The following CROCC2 variants were observed in gnomAD, a reference collection of about 807,000 sequenced individuals.
The protein encoded by CROCC2 is ciliary rootlet coiled-coil, rootletin family member 2, also known as ciliary rootlet coiled-coil protein 2.
Under a neutral mutation model 177.6 loss-of-function variants are expected in CROCC2, and 163 were observed. That is an observed-to-expected ratio of 0.92 (90% CI 0.81 to 1.05). The LOEUF is 1.05. CROCC2 is among the 50% of genes least tolerant of loss of function. CROCC2 has a pLI of 0.00. For missense variants in CROCC2, 1,929 were observed against 1,797.8 expected, an observed-to-expected ratio of 1.07 and a Z score of -1.32; for synonymous variants, 904 against 787.3, an observed-to-expected ratio of 1.15 and a Z score of -2.48.
intron 18 of CROCC2, among the ~76,000 whole-genome samples, chr2:240,952,735 G>T (rs1032952590): frequency 6.6e-6 from 1 of 152,194 alleles, no homozygotes; most frequent in East Asian, 1.9e-4. Context: ...GGCCTTGGGC[G>T]CCAGCATCAG....
chr2:240,990,722 G>A (rs1266240366), intron 30 of CROCC2, among the ~76,000 whole-genome samples: 3 of 152,098 alleles, frequency 2.0e-5, no homozygotes, highest in African/African-American at 7.2e-5. Flanking sequence ...AGCGGGGATT[G>A]CAGGCACCCA....
intron 21 of CROCC2, chr2:240,964,189 C>G (rs1287948514): frequency 1.8e-6 from 1 of 551,016 alleles, no homozygotes; most frequent in Non-Finnish European, 3.3e-6. Flanking sequence ...GGATGTTGAG[C>G]GTCCGGGAGT....
At chr2:240,906,699 C>T (rs181280710) in intron 1 of CROCC2, 108 bp downstream of exon 1, 186 of 398,238 alleles carry the variant, frequency 4.7e-4, no homozygotes, top group Non-Finnish European at 7.1e-4. Context: ...CTTCCTGGCT[C>T]CCGGGGCACT....
At chr2:240,942,914 C>T (rs1480508508) in intron 14 of CROCC2, among the ~76,000 whole-genome samples, 2 of 152,160 alleles carry the variant, frequency 1.3e-5, no homozygotes, top group Non-Finnish European at 2.9e-5. Context: ...TATCTGACTT[C>T]TCAGACTGTC....
rs74001725 is a variant in CROCC2, at chr2:240,964,130, C to A, written c.3306-336C>A. 0.056 allele frequency: 29,671 copies of A among 530,882 alleles called. 3,210 individuals are homozygous for A. Among genetic ancestry groups the A allele is most frequent in the African/African-American group, 0.3 (15,828 of 52,480 alleles). 32.9% of individuals were successfully genotyped at this position (530,882 alleles called of 1,614,324 possible). A position where few individuals can be genotyped will look rare whatever the true frequency, so the allele number is the denominator to read the frequency against. ...GAAAGGCCCCTGTGGGGCAGCTGGGCAGGATGGCACAGCCCTCACAGCAGG... is the reference window on the plus strand; with the variant it reads ...GAAAGGCCCCTGTGGGGCAGCTGGGAAGGATGGCACAGCCCTCACAGCAGG... On this transcript the variant is annotated intron_variant, in intron 21 of 31. Transcript: ENST00000690015.
intron 14 of CROCC2, 140 bp downstream of exon 14, chr2:240,935,728 T>C: frequency 1.7e-6 from 1 of 591,028 alleles, no homozygotes; most frequent in Non-Finnish European, 2.6e-6. Context: ...TCAGGCCCAG[T>C]GCTGGCCTCC....
chr2:240,921,220 G>A (rs149320252), intron 3 of CROCC2, among the ~76,000 whole-genome samples: 1,612 of 152,226 alleles, frequency 0.011, 12 homozygotes, highest in Non-Finnish European at 0.015. Context: ...GCCCCACAGC[G>A]GTGCCCTCAG....
At chr2:240,927,313 A>G (rs2059401424) in intron 5 of CROCC2, among the ~76,000 whole-genome samples, 1 of 151,990 alleles carries the variant, frequency 6.6e-6, no homozygotes, top group South Asian at 2.1e-4. Context: ...GGTTCGCGGA[A>G]CCTCTGTGTC....
chr2:240,988,992 G>A lies in CROCC2; in HGVS notation c.4683+122G>A, dbSNP rs1041057780. 9.9e-5 allele frequency: 107 copies of A among 1,078,372 alleles called. 1 individual carries two copies. Among genetic ancestry groups the A allele is most frequent in the Non-Finnish European group, 1.2e-4 (101 of 824,344 alleles). The allele number at this position is 1,078,372 out of a possible 1,614,324, so 66.8% of individuals were successfully genotyped here. Reference sequence around the variant, plus strand: ...ACCTCCATCTCACACGTGCACACATGGGGAGGGTGGCTGGACCAGCTTCTG... The same window carrying A: ...ACCTCCATCTCACACGTGCACACATAGGGAGGGTGGCTGGACCAGCTTCTG... On this transcript the variant is annotated intron_variant, in intron 29 of 31. Coordinates refer to ENST00000690015, the MANE Select transcript of CROCC2 (RefSeq NM_001351305.2).
chr2:240,988,646 TCCCA>T, intron 28 of CROCC2, 89 bp from the exon 29 acceptor site: 1 of 1,250,042 alleles, frequency 8.0e-7, no homozygotes, highest in South Asian at 3.1e-5. Flanking sequence ...TCAGAGTCCT[TCCCA>T]GAGGCAACCC....
intron 14 of CROCC2, among the ~76,000 whole-genome samples, chr2:240,939,438 T>C (rs1407906660): frequency 6.6e-6 from 1 of 152,066 alleles, no homozygotes; most frequent in Non-Finnish European, 1.5e-5. Flanking sequence ...TATTTGTGAG[T>C]AATATTTCTG....
Position 240,917,634 on chromosome 2 carries a change from A to G in CROCC2, c.79-1092A>G, listed in dbSNP as rs1014986868. Among the ~76,000 whole-genome samples the G allele has an allele frequency of 2.6e-5, 4 of 152,092 alleles. No individual in the cohort carries two copies. Among genetic ancestry groups the G allele is most frequent in the Non-Finnish European group, 4.4e-5 (3 of 67,986 alleles). ...TCTGTGCTGGCGTGGGAGCCAGGCA[A>G]GGAGGACTTGGGTGGACTCTGGCGT... On this transcript the variant is annotated intron_variant, in intron 1 of 31. Coordinates refer to ENST00000690015, the MANE Select transcript of CROCC2 (RefSeq NM_001351305.2). This position sits in a 1 kb window ranked among gnomAD's most constrained non-coding sequence, Gnocchi z 4.9.
chr2:240,922,726 G>C (rs2059364927), intron 4 of CROCC2, 81 bp downstream of exon 4: 2 of 494,852 alleles, frequency 4.0e-6, no homozygotes, highest in South Asian at 5.7e-5. Flanking sequence ...CTGTGCCTTG[G>C]GGCTACTGAC....
chr2:240,988,888 A>C lies in CROCC2; in HGVS notation c.4683+18A>C. 1 of 1,442,724 alleles carries C rather than the reference A, an allele frequency of 6.9e-7. No individual in the cohort carries two copies. The highest frequency in any genetic ancestry group is 9.2e-7 in the Non-Finnish European group (1 of 1,087,690). 89.4% of individuals were successfully genotyped at this position (1,442,724 alleles called of 1,614,324 possible). A position where few individuals can be genotyped will look rare whatever the true frequency, so the allele number is the denominator to read the frequency against. On this transcript the variant is annotated intron_variant, in intron 29 of 31. Coordinates refer to ENST00000690015, the MANE Select transcript of CROCC2 (RefSeq NM_001351305.2). The stretch of plus-strand genomic sequence containing the variant: ...AGCTGCAGGTCAACTGGGCCAGTGG[A>C]GCTCTGCATACCCCAGGCCTGGGGG...
At chr2:240,941,074 A>C (rs1237720519) in intron 14 of CROCC2, among the ~76,000 whole-genome samples, 1 of 152,144 alleles carries the variant, frequency 6.6e-6, no homozygotes, top group Admixed American at 6.5e-5. Flanking sequence ...TCAAGAATTC[A>C]ACCCCTTTCA....
intron 17 of CROCC2, 21 bp from the exon 18 acceptor site, chr2:240,950,313 C>T: frequency 6.5e-7 from 1 of 1,546,462 alleles, no homozygotes; most frequent in Non-Finnish European, 8.7e-7. Context: ...CCTCACAGCC[C>T]ATCCCTTTAC....
chr2:240,926,313 C>A (rs1387069020), intron 5 of CROCC2, among the ~76,000 whole-genome samples: 1 of 152,220 alleles, frequency 6.6e-6, no homozygotes, highest in Non-Finnish European at 1.5e-5. Context: ...CCCACTCCAA[C>A]TTCTGAGACC....
intron 27 of CROCC2, among the ~76,000 whole-genome samples, chr2:240,975,568 C>G (rs1231883603): frequency 6.6e-6 from 1 of 152,140 alleles, no homozygotes; most frequent in Non-Finnish European, 1.5e-5. Context: ...CTGTCCTTCT[C>G]TGTGCAGCCG....
chr2:240,942,442 T>C (rs1244737245), intron 14 of CROCC2, among the ~76,000 whole-genome samples: 1 of 152,192 alleles, frequency 6.6e-6, no homozygotes, highest in East Asian at 1.9e-4. Context: ...TAATGAGCTA[T>C]TTCTATTGTC....
Sources: gnomAD v4.1 joint callset for allele counts (sites outside exome capture counted in the v4.1 genomes callset) on GRCh38, gnomAD v4.1.1 for gene constraint, Gnocchi (gnomAD v3.1) non-coding constraint, MANE v1.5 for transcripts, NCBI Gene and HGNC (gene_info 2026-07-23, HGNC 2026-07-21) for gene names.